Variants in GRID1 observed in about 807,000 individuals in gnomAD.
GRID1 encodes the protein glutamate receptor ionotropic, delta-1.
In GRID1, 28 loss-of-function variants were observed where a neutral mutation model predicts 98.0. That is an observed-to-expected ratio of 0.29 (90% CI 0.21 to 0.39). The LOEUF (loss-of-function observed/expected upper bound fraction) is 0.39. Ranked by LOEUF, GRID1 falls within the 10% of genes least tolerant of loss-of-function variation. The pLI, the probability that GRID1 is intolerant of heterozygous loss-of-function variation, is 1.00. For synonymous variants in GRID1, 553 were observed against 538.5 expected (o/e 1.03, Z -0.37); for missense variants, 1,111 against 1,340.5 (o/e 0.83, Z 2.67).
intron 8 of GRID1, among the ~76,000 whole-genome samples, chr10:85,851,100 T>C (rs766928614): frequency 1.3e-5 from 2 of 152,146 alleles, no homozygotes; most frequent in South Asian, 2.1e-4. Context: ...CTTTTGGAGA[T>C]TCCTGTCTGA....
chr10:85,835,873 A>G (rs1842907898), intron 8 of GRID1, among the ~76,000 whole-genome samples: 1 of 152,216 alleles, frequency 6.6e-6, no homozygotes, highest in African/African-American at 2.4e-5. Context: ...ATTCAATAAG[A>G]GAAAAACAAA....
At chr10:85,891,471 C>T (rs1841199611) in intron 5 of GRID1, among the ~76,000 whole-genome samples, 2 of 152,096 alleles carry the variant, frequency 1.3e-5, no homozygotes, top group African/African-American at 4.8e-5. Flanking sequence ...CAAATGCTGG[C>T]TGTGGTGGAT....
intron 8 of GRID1, among the ~76,000 whole-genome samples, chr10:85,745,806 A>T (rs1300784337): frequency 6.6e-6 from 1 of 152,106 alleles, no homozygotes; most frequent in Non-Finnish European, 1.5e-5. Flanking sequence ...AGAATAAGAG[A>T]GACATTTAGA....
chr10:85,821,492 G>C lies in GRID1; in HGVS notation c.1233+33004C>G, dbSNP rs1842770089. Among the ~76,000 whole-genome samples, 3 of 131,090 alleles carry C rather than the reference G, an allele frequency of 2.3e-5. No homozygotes were observed. In the South Asian group the frequency reaches 7.8e-4, roughly 34 times the overall value. The allele number at this position is 131,090 out of a possible 152,430, so 86.0% of individuals were successfully genotyped here. The stretch of plus-strand genomic sequence containing the variant: ...AGATTGTGCCACTGCACTCCAGCCT[G>C]GGTGACAGAGCAAGACTTCATCTCA... On this transcript the variant is annotated intron_variant, in intron 8 of 15. Coordinates refer to ENST00000327946, the MANE Select transcript of GRID1 (RefSeq NM_017551.3).
At chr10:85,850,128 G>A (rs1843044320) in intron 8 of GRID1, among the ~76,000 whole-genome samples, 2 of 152,146 alleles carry the variant, frequency 1.3e-5, no homozygotes, top group South Asian at 4.1e-4. Context: ...CACGGAAAAT[G>A]AGGTTCAAAG....
chr10:85,727,054 C>T (rs997392540), intron 10 of GRID1, among the ~76,000 whole-genome samples: 1 of 152,122 alleles, frequency 6.6e-6, no homozygotes, highest in African/African-American at 2.4e-5. Flanking sequence ...GTCAGAAGGA[C>T]AACTTGTTGT....
In GRID1 at chr10:85,599,802, A is replaced by AAAAAAAATATATATATATATATAT; in HGVS notation, c.*2470_*2471insATATATATATATATATATTTTTTT. On this transcript the variant is annotated 3_prime_UTR_variant, in exon 16 of 16. Coordinates refer to ENST00000327946, the MANE Select transcript of GRID1 (RefSeq NM_017551.3). ...GTAGAAAATTCTAAAAAAAAAAAAAAATATATATATATATATATAAACATG... is the reference window on the plus strand; with the variant it reads ...GTAGAAAATTCTAAAAAAAAAAAAAAAAAAAAATATATATATATATATATATATATATATATATATATAAACATG... 2 of 64,980 alleles carry AAAAAAAATATATATATATATATAT rather than the reference A, an allele frequency of 3.1e-5. No individual in the cohort carries two copies. The highest frequency in any genetic ancestry group is 0.011 in the Middle Eastern group (1 of 88). The allele number at this position is 64,980 out of a possible 1,614,324, so 4.0% of individuals were successfully genotyped here. A position where few individuals can be genotyped will look rare whatever the true frequency, so the allele number is the denominator to read the frequency against.
chr10:85,724,485 C>G lies in GRID1; in HGVS notation c.1725G>C (p.Val575=), dbSNP rs1841739344. The G allele has an allele frequency of 5.0e-6, 8 of 1,614,146 alleles. No individual in the cohort carries two copies. In the East Asian group the frequency reaches 1.8e-4, roughly 36 times the overall value. ...TCAACACAAATATCAGCACACCAAC[C>G]ACAGGGATGGCTGCTGCAATGCAGG... is the stretch of plus-strand genomic sequence containing the variant. ...VWACIAAAIP[V]VGVLIFVLNR... The change falls in exon 11 of 16, where the codon GTG becomes GTC. Residue 575 remains valine, a synonymous_variant. Coordinates refer to ENST00000327946, the MANE Select transcript of GRID1 (RefSeq NM_017551.3).
intron 4 of GRID1, among the ~76,000 whole-genome samples, chr10:86,084,732 C>G (rs1404857922): frequency 2.0e-5 from 3 of 152,172 alleles, no homozygotes; most frequent in Admixed American, 2.0e-4. Context: ...TATGCTACAA[C>G]ATGAATGACT....
chr10:85,975,067 G>A (rs7912559), intron 4 of GRID1, among the ~76,000 whole-genome samples: 102,457 of 152,112 alleles, frequency 0.67, 34,842 homozygotes, highest in Middle Eastern at 0.78. Flanking sequence ...AGAGCCTCAT[G>A]CAAATCTAAA....
intron 3 of GRID1, among the ~76,000 whole-genome samples, chr10:86,182,458 C>T (rs1029923328): frequency 1.3e-5 from 2 of 152,232 alleles, no homozygotes; most frequent in African/African-American, 4.8e-5. Context: ...ATGCTAATTA[C>T]CGTGCTGTCT....
chr10:85,962,591 G>C (rs1842284623), intron 4 of GRID1, among the ~76,000 whole-genome samples: 1 of 152,152 alleles, frequency 6.6e-6, no homozygotes, highest in Non-Finnish European at 1.5e-5. Flanking sequence ...CACACTAACA[G>C]CTCCCAGTGG....
rs191087976 is a variant in GRID1, at chr10:85,745,755, C to A, written c.1234-16141G>T. ...AAAAAAAAAAGTAATTGTAGTGTCA[C>A]AAACATGACCAGGTTAGACAAAATG... On this transcript the variant is annotated intron_variant, in intron 8 of 15. Transcript: ENST00000327946. Among the ~76,000 whole-genome samples, 398 of 149,226 alleles carry A rather than the reference C, an allele frequency of 2.7e-3. 2 individuals carry two copies. Among genetic ancestry groups the A allele is most frequent in the Non-Finnish European group, 4.2e-3 (285 of 67,392 alleles).
intron 3 of GRID1, among the ~76,000 whole-genome samples, chr10:86,180,881 G>A (rs942080438): frequency 1.1e-4 from 17 of 152,240 alleles, no homozygotes; most frequent in South Asian, 2.1e-4. Flanking sequence ...GACCAGAGAG[G>A]CCAAAGGCTC....
chr10:85,618,937 T>C (rs929019272), intron 14 of GRID1, among the ~76,000 whole-genome samples: 1 of 152,194 alleles, frequency 6.6e-6, no homozygotes, highest in Non-Finnish European at 1.5e-5. Context: ...AGAAGTTCCT[T>C]AGTACTGAAA....
At chr10:85,740,552 T>TC (rs1239140654) in intron 8 of GRID1, among the ~76,000 whole-genome samples, 1 of 152,100 alleles carries the variant, frequency 6.6e-6, no homozygotes, top group African/African-American at 2.4e-5. Flanking sequence ...CTCTGGAACA[T>TC]CGTTCCCTTC....
rs78273009 is a variant in GRID1, at chr10:85,600,177, C to A, written c.*2096G>T. The A allele has an allele frequency of 0.027, 4,052 of 152,518 alleles. 194 individuals are homozygous for A. Among genetic ancestry groups the A allele is most frequent in the African/African-American group, 0.088 (3,638 of 41,480 alleles). 9.4% of individuals were successfully genotyped at this position (152,518 alleles called of 1,614,324 possible). A position where few individuals can be genotyped will look rare whatever the true frequency, so the allele number is the denominator to read the frequency against. On this transcript the variant is annotated 3_prime_UTR_variant, in exon 16 of 16. Coordinates refer to ENST00000327946, the MANE Select transcript of GRID1 (RefSeq NM_017551.3). ...TGACCATTCAGGGCAGGGCCCCCAA[C>A]GTGCTGATGGAAAACAAAGCCTGCT...
chr10:86,269,794 C>A (rs1480997249), intron 2 of GRID1, among the ~76,000 whole-genome samples: 2 of 152,312 alleles, frequency 1.3e-5, no homozygotes, highest in Non-Finnish European at 2.9e-5. Context: ...TCCCTCTAAG[C>A]CCTCTAAGAT....
intron 4 of GRID1, among the ~76,000 whole-genome samples, chr10:85,957,364 T>C (rs1258765385): frequency 6.6e-6 from 1 of 152,106 alleles, no homozygotes; most frequent in African/African-American, 2.4e-5. Flanking sequence ...ACCCCATGAA[T>C]GATTTCCAGC....
Sources: gnomAD v4.1 joint callset for allele counts (sites outside exome capture counted in the v4.1 genomes callset) on GRCh38, gnomAD v4.1.1 for gene constraint, MANE v1.5 for transcripts, NCBI Gene and HGNC (gene_info 2026-07-23, HGNC 2026-07-21) for gene names.